Variants in QTMAN observed in about 807,000 individuals in gnomAD.
QTMAN encodes tRNA-queuosine alpha-mannosyltransferase.
chr2:144,018,207 A>G, the QTMAN span, among the ~76,000 whole-genome samples: 1 of 152,160 alleles, frequency 6.6e-6, no homozygotes, highest in Non-Finnish European at 1.5e-5. Context: ...CAGTTTCCAG[A>G]TCTCTGAAGC....
At chr2:144,276,898 CA>C in the QTMAN span, among the ~76,000 whole-genome samples, 4 of 152,152 alleles carry the variant, frequency 2.6e-5, no homozygotes, top group African/African-American at 9.7e-5. Context: ...TACAGCAAGT[CA>C]TTATATCAAT....
chr2:143,977,495 T>C, the QTMAN span, among the ~76,000 whole-genome samples: 1 of 152,108 alleles, frequency 6.6e-6, no homozygotes, highest in African/African-American at 2.4e-5. Context: ...ACAGAGTGAA[T>C]GTCTGAGTCT....
the QTMAN span, among the ~76,000 whole-genome samples, chr2:144,072,415 T>C: frequency 6.6e-6 from 1 of 152,292 alleles, no homozygotes; most frequent in East Asian, 1.9e-4. Flanking sequence ...TTCAGTTACA[T>C]AGGCTATCTT....
chr2:144,034,263 G>A, the QTMAN span, among the ~76,000 whole-genome samples: 1 of 152,132 alleles, frequency 6.6e-6, no homozygotes, highest in Non-Finnish European at 1.5e-5. Context: ...TGCAAGACTA[G>A]CTTCCAGGCT....
the QTMAN span, among the ~76,000 whole-genome samples, chr2:144,077,286 T>A: frequency 6.6e-6 from 1 of 152,206 alleles, no homozygotes; most frequent in Non-Finnish European, 1.5e-5. Context: ...TTCTGCACAT[T>A]GCAAAGCAAA....
At chr2:144,152,210 A>G in the QTMAN span, among the ~76,000 whole-genome samples, 1 of 152,160 alleles carries the variant, frequency 6.6e-6, no homozygotes, top group South Asian at 2.1e-4. Context: ...TATACAGAAC[A>G]CCTGTCAAGA....
At chr2:144,202,691 T>C in the QTMAN span, among the ~76,000 whole-genome samples, 1 of 152,286 alleles carries the variant, frequency 6.6e-6, no homozygotes, top group Non-Finnish European at 1.5e-5. Context: ...AAAAGTATAA[T>C]AAACATCCAG....
At chr2:143,955,422 A>T in the QTMAN span, among the ~76,000 whole-genome samples, 1 of 152,164 alleles carries the variant, frequency 6.6e-6, no homozygotes, top group Admixed American at 6.5e-5. Flanking sequence ...AAGATCTAAG[A>T]AAGTGATACA....
At chr2:144,060,057 T>C in the QTMAN span, among the ~76,000 whole-genome samples, 1 of 152,200 alleles carries the variant, frequency 6.6e-6, no homozygotes, top group African/African-American at 2.4e-5. Flanking sequence ...TCTTTGTTTT[T>C]CCTGGAATAA....
At chr2:144,228,751 G>A in the QTMAN span, among the ~76,000 whole-genome samples, 2 of 152,180 alleles carry the variant, frequency 1.3e-5, no homozygotes, top group Non-Finnish European at 2.9e-5. Context: ...CTGAGGTCAG[G>A]AGTTCGAGAT....
the QTMAN span, among the ~76,000 whole-genome samples, chr2:144,071,091 G>T: frequency 6.6e-6 from 1 of 152,048 alleles, no homozygotes; most frequent in African/African-American, 2.4e-5. Context: ...TTAATAGCAG[G>T]TATGGGACAG....
the QTMAN span, among the ~76,000 whole-genome samples, chr2:144,058,133 A>AACACACACACACAC: frequency 1.0e-5 from 1 of 97,224 alleles, no homozygotes; most frequent in African/African-American, 4.6e-5. Context: ...CACCCCGCTA[A>AACACACACACACAC]ACACACACAC....
chr2:144,324,755 AG>A, the QTMAN span, among the ~76,000 whole-genome samples: 93 of 152,328 alleles, frequency 6.1e-4, no homozygotes, highest in Middle Eastern at 6.8e-3. Context: ...CTGAAAATAA[AG>A]AGCCATGTTT....
At chr2:144,092,119 G>A in the QTMAN span, among the ~76,000 whole-genome samples, 279 of 151,964 alleles carry the variant, frequency 1.8e-3, no homozygotes, top group African/African-American at 6.5e-3. Flanking sequence ...TCATTATCTT[G>A]TCTGTGGTGA....
the QTMAN span, among the ~76,000 whole-genome samples, chr2:144,292,562 T>G: frequency 6.6e-6 from 1 of 152,178 alleles, no homozygotes; most frequent in Non-Finnish European, 1.5e-5. Flanking sequence ...CGGTACCCTG[T>G]ACTACAAACA....
chr2:144,060,304 A>C, the QTMAN span, among the ~76,000 whole-genome samples: 1 of 151,496 alleles, frequency 6.6e-6, no homozygotes, highest in Non-Finnish European at 1.5e-5. Context: ...TCTTTCGCCC[A>C]GGCTAGAGTG....
At chr2:143,938,075 T>A in the QTMAN span, 3 of 152,372 alleles carry the variant, frequency 2.0e-5, no homozygotes, top group African/African-American at 7.2e-5. Context: ...CAATTTTGTT[T>A]TGCAGTTTTG....
the QTMAN span, among the ~76,000 whole-genome samples, chr2:144,190,751 C>T: frequency 3.9e-5 from 6 of 152,002 alleles, no homozygotes; most frequent in South Asian, 1.2e-3. Flanking sequence ...ATCTAAGTTA[C>T]AAAGGAAGAC....
the QTMAN span, among the ~76,000 whole-genome samples, chr2:144,308,029 A>T: frequency 6.6e-6 from 1 of 152,228 alleles, no homozygotes; most frequent in African/African-American, 2.4e-5. Flanking sequence ...AACAATTTCA[A>T]AAAAGAACAA....
Sources: gnomAD v4.1 joint callset for allele counts (sites outside exome capture counted in the v4.1 genomes callset) on GRCh38, gnomAD v4.1.1 for gene constraint, MANE v1.5 for transcripts, NCBI Gene and HGNC (gene_info 2026-07-23, HGNC 2026-07-21) for gene names.